BOC: variants seen among roughly 807,000 people sequenced by gnomAD.
The protein encoded by BOC is BOC cell adhesion associated, oncogene regulated, also known as brother of CDO.
BOC carries 76 observed loss-of-function variants against 112.0 expected under a neutral mutation model. The ratio of observed to expected loss-of-function variants is 0.68; its 90% CI spans 0.56 to 0.82. The LOEUF is 0.82. Among genes scored for constraint, BOC ranks in the 40% least tolerant of loss-of-function variants. The pLI is 0.00. For synonymous variants in BOC, 580 were observed against 599.8 expected, an observed-to-expected ratio of 0.97 and a Z score of 0.48; for missense variants, 1,309 against 1,511.7, an observed-to-expected ratio of 0.87 and a Z score of 2.22.
chr3:113,273,190 G>GC lies in BOC; in HGVS notation c.1087dup (p.Leu363ProfsTer22). 1 of 1,613,988 alleles carries GC rather than the reference G, an allele frequency of 6.2e-7. No individual in the cohort carries two copies. Among genetic ancestry groups the GC allele is most frequent in the Non-Finnish European group, 8.5e-7 (1 of 1,180,020 alleles). On this transcript the variant is annotated frameshift_variant, in exon 8 of 20. Coordinates refer to ENST00000682979, the MANE Select transcript of BOC (RefSeq NM_001378074.1). LOFTEE classifies it high-confidence loss of function. ...CCGTGCTGTGGCTGAGGAATGCTGT[G>GC]CCCCTCATCTCCAGCCAGCGCCTCC...
At chr3:113,268,172 G>A (rs1947715297) in intron 4 of BOC, 127 bp from the exon 5 acceptor site, 1 of 1,414,650 alleles carries the variant, frequency 7.1e-7, no homozygotes, top group South Asian at 1.4e-5. Flanking sequence ...AGAACTCGGA[G>A]GATCCCCTGA....
intron 17 of BOC, 82 bp from the exon 18 acceptor site, chr3:113,284,700 G>C: frequency 6.6e-7 from 1 of 1,507,416 alleles, no homozygotes. Context: ...GTCAGGAGCA[G>C]ATGCTCCTGT....
chr3:113,271,096 G>C (rs565408814), intron 6 of BOC, 152 bp downstream of exon 6: 1 of 1,153,194 alleles, frequency 8.7e-7, no homozygotes, highest in Admixed American at 1.9e-5. Context: ...GGGGTTCTCA[G>C]CCAGGGATTC....
In BOC at chr3:113,284,578, C is replaced by T; in HGVS notation, c.2889+11C>T. ...GGCGAGCTTCAGCAGGTAGCGCATT[C>T]TTGGGTGTGGGCGGCAGGTATGGGA... On this transcript the variant is annotated intron_variant, in intron 17 of 19. Coordinates refer to ENST00000682979, the MANE Select transcript of BOC (RefSeq NM_001378074.1). The T allele has an allele frequency of 6.2e-7, 1 of 1,606,592 alleles. No individual in the cohort carries two copies. Among genetic ancestry groups the T allele is most frequent in the Non-Finnish European group, 8.5e-7 (1 of 1,176,546 alleles).
intron 2 of BOC, among the ~76,000 whole-genome samples, chr3:113,242,529 G>C (rs1291924080): frequency 1.3e-5 from 2 of 152,018 alleles, no homozygotes; most frequent in Non-Finnish European, 2.9e-5. Flanking sequence ...CCTCGGAGAG[G>C]TTCCTCCCCG....
rs149863705 is a variant in BOC at position 113,217,991 on chromosome 3, T to C, written c.-82+1717T>C. On this transcript the variant is annotated intron_variant, in intron 2 of 19. Transcript: ENST00000682979. ...TTTTACCTTTCAATTCCATTTGCCATTTGTTTTACCGTCTGTGGCTCTGAA... is the reference window on the plus strand; with the variant it reads ...TTTTACCTTTCAATTCCATTTGCCACTTGTTTTACCGTCTGTGGCTCTGAA... Among the ~76,000 whole-genome samples the C allele has an allele frequency of 6.7e-3, 1,018 of 152,312 alleles. 19 individuals are homozygous for C. The highest frequency in any genetic ancestry group is 0.023 in the African/African-American group (944 of 41,570).
intron 2 of BOC, among the ~76,000 whole-genome samples, chr3:113,229,555 T>A (rs1474701618): frequency 6.6e-6 from 1 of 152,192 alleles, no homozygotes; most frequent in African/African-American, 2.4e-5. Flanking sequence ...AAAGTAGATG[T>A]TCTTTGCAAT....
chr3:113,248,003 T>C (rs1181842078), intron 2 of BOC, among the ~76,000 whole-genome samples: 1 of 152,202 alleles, frequency 6.6e-6, no homozygotes, highest in Non-Finnish European at 1.5e-5. Flanking sequence ...GCTGAAGTCT[T>C]GTGAGTCCTC....
intron 4 of BOC, among the ~76,000 whole-genome samples, chr3:113,262,710 GT>G (rs540571583): frequency 1.1e-3 from 166 of 152,188 alleles, no homozygotes; most frequent in Non-Finnish European, 2.2e-3. Context: ...CTGCCATGGC[GT>G]TTCACTTGCA....
At chr3:113,245,095 T>C (rs1033797501) in intron 2 of BOC, among the ~76,000 whole-genome samples, 3 of 152,222 alleles carry the variant, frequency 2.0e-5, no homozygotes, top group African/African-American at 7.2e-5. Flanking sequence ...CTACGATACT[T>C]GTTTATTTTC....
At position 113,236,788 on chromosome 3, in the gene BOC, C is replaced by T. The variant is rs560709802; in HGVS notation, c.-81-12934C>T. ...ATAAGCCAAAAAGGTGGCATTGCCA[C>T]TGCATTAAATCAGGCATCCAGTGAA... On this transcript the variant is annotated intron_variant, in intron 2 of 19. Transcript: ENST00000682979. Among the ~76,000 whole-genome samples, 6 of 152,304 alleles carry T rather than the reference C, an allele frequency of 3.9e-5. No individual in the cohort carries two copies. In the East Asian group the frequency reaches 1.2e-3, roughly 29 times the overall value.
At chr3:113,277,647 G>A (rs910854314) in intron 9 of BOC, among the ~76,000 whole-genome samples, 1 of 152,218 alleles carries the variant, frequency 6.6e-6, no homozygotes, top group Non-Finnish European at 1.5e-5. Flanking sequence ...AGTGCTTAGC[G>A]AATGTTGCTA....
intron 18 of BOC, 126 bp from the exon 19 acceptor site, chr3:113,285,246 G>A (rs41271357): frequency 0.26 from 220,723 of 841,204 alleles, 33,394 homozygotes; most frequent in East Asian, 0.57. Flanking sequence ...GGGGAGAGCA[G>A]TCCTTGCCCC....
At chr3:113,215,098 G>T (rs541285157) in intron 1 of BOC, among the ~76,000 whole-genome samples, 38 of 152,180 alleles carry the variant, frequency 2.5e-4, no homozygotes, top group African/African-American at 8.4e-4. Flanking sequence ...CTACTTTGCT[G>T]TTGGTTGGAA....
rs749662456 is a variant in BOC, at chr3:113,273,359, G to A, written c.1234+18G>A. On this transcript the variant is annotated intron_variant, in intron 8 of 19. Coordinates refer to ENST00000682979, the MANE Select transcript of BOC (RefSeq NM_001378074.1). The stretch of plus-strand genomic sequence containing the variant: ...CAGGCCAAGTGAGTGTAGCCCAGGG[G>A]TCTGAGATTCCAGCTGATGATTCAC... 6 of 1,570,990 alleles carry A rather than the reference G, an allele frequency of 3.8e-6. No individual in the cohort carries two copies. Among genetic ancestry groups the A allele is most frequent in the South Asian group, 2.3e-5 (2 of 88,372 alleles).
chr3:113,241,169 A>G (rs1178448633), intron 2 of BOC, among the ~76,000 whole-genome samples: 2 of 152,214 alleles, frequency 1.3e-5, no homozygotes, highest in Non-Finnish European at 2.9e-5. Context: ...ACTGGCCTTA[A>G]TGACCTTGTA....
intron 2 of BOC, among the ~76,000 whole-genome samples, chr3:113,236,250 GTGTGTGTGTGTGTGTGTA>G (rs1287778946): frequency 6.3e-5 from 4 of 63,010 alleles, no homozygotes; most frequent in African/African-American, 2.6e-4. Context: ...GTGTGTGTGT[GTGTGTGTGTGTGTGTGTA>G]TATATACCCA....
At chr3:113,280,938 C>T in intron 14 of BOC, 93 bp from the exon 15 acceptor site, 9 of 1,536,286 alleles carry the variant, frequency 5.9e-6, no homozygotes, top group South Asian at 2.4e-5. Context: ...CATCCTCCCC[C>T]ACACACTGCC....
At chr3:113,221,843 T>C (rs1430316540) in intron 2 of BOC, among the ~76,000 whole-genome samples, 1 of 151,650 alleles carries the variant, frequency 6.6e-6, no homozygotes, top group African/African-American at 2.4e-5. Flanking sequence ...CTCTCAGGGG[T>C]CCTCACCTCA....
Sources: gnomAD v4.1 joint callset for allele counts (sites outside exome capture counted in the v4.1 genomes callset) on GRCh38, gnomAD v4.1.1 for gene constraint, MANE v1.5 for transcripts, NCBI Gene and HGNC (gene_info 2026-07-23, HGNC 2026-07-21) for gene names.